KCNMA1: variants seen among roughly 807,000 people sequenced by gnomAD.
KCNMA1 encodes Calcium-activated potassium channel subunit alpha-1.
In KCNMA1, 29 loss-of-function variants were observed where a neutral mutation model predicts 140.0. The ratio of observed to expected loss-of-function variants is 0.21; its 90% confidence interval spans 0.15 to 0.28. The LOEUF is 0.28. KCNMA1 is among the 10% of genes least tolerant of loss of function. The pLI is 1.00. For missense variants in KCNMA1, 880 were observed against 1,602.2 expected, an observed-to-expected ratio of 0.55 and a Z score of 7.70; for synonymous variants, 612 against 611.9, an observed-to-expected ratio of 1.00 and a Z score of 0.00.
At chr10:77,611,423 A>G (rs750082065) in intron 1 of KCNMA1, among the ~76,000 whole-genome samples, 1 of 152,216 alleles carries the variant, frequency 6.6e-6, no homozygotes, top group Non-Finnish European at 1.5e-5. Flanking sequence ...AACTGGGTCC[A>G]TGGAGACATC....
chr10:77,240,841 C>T (rs371252275), intron 3 of KCNMA1, among the ~76,000 whole-genome samples: 123 of 152,284 alleles, frequency 8.1e-4, no homozygotes, highest in African/African-American at 2.9e-3. Context: ...GATGAATTTG[C>T]AAACATCAGA....
intron 5 of KCNMA1, among the ~76,000 whole-genome samples, chr10:77,138,333 A>C (rs903297907): frequency 4.6e-5 from 7 of 152,310 alleles, no homozygotes; most frequent in African/African-American, 1.7e-4. Context: ...ATCATAGCTC[A>C]CTGGAGTCTT....
intron 1 of KCNMA1, among the ~76,000 whole-genome samples, chr10:77,511,566 T>C (rs1391192804): frequency 3.3e-5 from 5 of 152,206 alleles, no homozygotes; most frequent in Admixed American, 6.5e-5. Flanking sequence ...GAGAAAATCA[T>C]GGCAATGCCT....
At chr10:76,907,978 T>C (rs911049740) in intron 25 of KCNMA1, among the ~76,000 whole-genome samples, 1 of 152,054 alleles carries the variant, frequency 6.6e-6, no homozygotes, top group Non-Finnish European at 1.5e-5. Context: ...ATAAACAATT[T>C]TATAAATTTG....
intron 3 of KCNMA1, among the ~76,000 whole-genome samples, chr10:77,231,147 C>T (rs963873243): frequency 6.6e-6 from 1 of 152,152 alleles, no homozygotes; most frequent in African/African-American, 2.4e-5. Flanking sequence ...CCTGAAATGA[C>T]ATTTTCCTCT....
chr10:77,036,196 C>T (rs2094317669), intron 15 of KCNMA1, among the ~76,000 whole-genome samples: 1 of 152,188 alleles, frequency 6.6e-6, no homozygotes, highest in East Asian at 1.9e-4. Context: ...GGACTTACAC[C>T]AGTGATTTGC....
In KCNMA1 at chr10:76,884,989, C is replaced by T; in HGVS notation, c.*2277G>A. 2 of 1,548,048 alleles carry T rather than the reference C, an allele frequency of 1.3e-6. No individual in the cohort carries two copies. The highest frequency in any genetic ancestry group is 1.7e-6 in the Non-Finnish European group (2 of 1,145,736). ...CATGCAGAACCATTAATTGTCATAC[C>T]TTGGCCCATTCTATTCATCCTTGTT... On this transcript the variant is annotated 3_prime_UTR_variant, in exon 28 of 28. Transcript: ENST00000286628.
At chr10:77,580,730 C>A (rs1391893863) in intron 1 of KCNMA1, among the ~76,000 whole-genome samples, 1 of 152,178 alleles carries the variant, frequency 6.6e-6, no homozygotes, top group East Asian at 1.9e-4. Flanking sequence ...GGGCAGAGAC[C>A]AAAGTCCAGA....
chr10:77,545,583 G>A (rs2061264531), intron 1 of KCNMA1, among the ~76,000 whole-genome samples: 6 of 152,186 alleles, frequency 3.9e-5, no homozygotes, highest in Admixed American at 3.9e-4. Flanking sequence ...CCTGTGCCAG[G>A]AGCCACAAGG....
At chr10:77,093,401 C>A (rs1321044064) in intron 9 of KCNMA1, among the ~76,000 whole-genome samples, 4 of 152,148 alleles carry the variant, frequency 2.6e-5, no homozygotes, top group Non-Finnish European at 2.9e-5. Flanking sequence ...TTATGGCCTC[C>A]CCCTTTTGTG....
At chr10:77,076,595 A>G (rs2096405108) in intron 13 of KCNMA1, among the ~76,000 whole-genome samples, 1 of 152,186 alleles carries the variant, frequency 6.6e-6, no homozygotes, top group African/African-American at 2.4e-5. Flanking sequence ...AGTGGTGGCC[A>G]TGATTTGTGC....
chr10:77,545,382 A>G (rs574826801), intron 1 of KCNMA1, among the ~76,000 whole-genome samples: 188 of 152,276 alleles, frequency 1.2e-3, no homozygotes, highest in African/African-American at 4.4e-3. Flanking sequence ...TGGAGGGAAA[A>G]TAGGATAAAA....
intron 1 of KCNMA1, among the ~76,000 whole-genome samples, chr10:77,594,112 A>C (rs2080071450): frequency 6.6e-6 from 1 of 152,182 alleles, no homozygotes; most frequent in Non-Finnish European, 1.5e-5. Context: ...TTTCAACGCT[A>C]GTGTCCCATG....
chr10:77,479,553 G>C (rs534190281), intron 1 of KCNMA1, among the ~76,000 whole-genome samples: 1 of 152,076 alleles, frequency 6.6e-6, no homozygotes, highest in Non-Finnish European at 1.5e-5. Context: ...TTTCCCCTTC[G>C]TCAGGCAATG....
At chr10:77,065,253 C>A (rs1215256682) in intron 14 of KCNMA1, among the ~76,000 whole-genome samples, 2 of 152,092 alleles carry the variant, frequency 1.3e-5, no homozygotes, top group South Asian at 2.1e-4. Context: ...AAGAGTGCCA[C>A]GGGAAAAAAC....
At chr10:77,311,509 G>A (rs180785493) in intron 2 of KCNMA1, among the ~76,000 whole-genome samples, 12 of 152,280 alleles carry the variant, frequency 7.9e-5, no homozygotes, top group African/African-American at 2.9e-4. Flanking sequence ...GGCAGCTGCT[G>A]CCCCACATGT....
chr10:76,948,834 A>G (rs1591654056), intron 22 of KCNMA1: 1 of 443,694 alleles, frequency 2.3e-6, no homozygotes, highest in East Asian at 4.6e-5. Flanking sequence ...ACATCATAAT[A>G]TAACAATGCT....
chr10:77,578,008 C>A (rs776041436), intron 1 of KCNMA1, among the ~76,000 whole-genome samples: 43 of 152,222 alleles, frequency 2.8e-4, no homozygotes, highest in Non-Finnish European at 5.7e-4. Context: ...TAGCAAAGCT[C>A]CCCTAGGACT....
At chr10:77,371,832 C>T (rs1379647071) in intron 2 of KCNMA1, among the ~76,000 whole-genome samples, 2 of 152,196 alleles carry the variant, frequency 1.3e-5, no homozygotes, top group Admixed American at 6.5e-5. Context: ...CTGCTGGGAG[C>T]AATTCCCCTC....
Sources: gnomAD v4.1 joint callset for allele counts (sites outside exome capture counted in the v4.1 genomes callset) on GRCh38, gnomAD v4.1.1 for gene constraint, MANE v1.5 for transcripts, NCBI Gene and HGNC (gene_info 2026-07-23, HGNC 2026-07-21) for gene names.